The following SEMA6A variants were observed in gnomAD, a reference collection of about 807,000 sequenced individuals.
SEMA6A encodes the protein semaphorin-6A.
Under a neutral mutation model 96.8 loss-of-function variants are expected in SEMA6A, and 25 were observed. The ratio of observed to expected loss-of-function variants is 0.26; its 90% CI spans 0.19 to 0.36. SEMA6A has a LOEUF of 0.36. SEMA6A is among the 10% of genes least tolerant of loss of function. The pLI is 1.00. For missense variants in SEMA6A, 1,363 were observed against 1,323.1 expected (o/e 1.03, Z -0.47); for synonymous variants, 612 against 518.0 (o/e 1.18, Z -2.46).
intron 5 of SEMA6A, 105 bp downstream of exon 5, chr5:116,496,146 A>T: frequency 1.0e-6 from 1 of 980,190 alleles, no homozygotes; most frequent in Non-Finnish European, 1.6e-6. Flanking sequence ...TACTGAGGGA[A>T]AAAGGAAAAA....
At chr5:116,468,180 C>A (rs932728223) in intron 17 of SEMA6A, 1 of 160,750 alleles carries the variant, frequency 6.2e-6, no homozygotes, top group Non-Finnish European at 1.4e-5. Context: ...CAGAAAGTGT[C>A]CACTCTGGGA....
At chr5:116,455,542 C>T (rs1257577491) in intron 18 of SEMA6A, among the ~76,000 whole-genome samples, 3 of 152,164 alleles carry the variant, frequency 2.0e-5, no homozygotes, top group Admixed American at 1.3e-4. Flanking sequence ...TTTTCCTTTA[C>T]TCTCTCAAAA....
chr5:116,454,626 C>T (rs568659514), intron 18 of SEMA6A, among the ~76,000 whole-genome samples: 14 of 152,206 alleles, frequency 9.2e-5, no homozygotes, highest in South Asian at 4.1e-4. Context: ...GAGGTGACCA[C>T]GCTGAAAGTG....
At chr5:116,483,244 C>A (rs1321028483) in intron 10 of SEMA6A, among the ~76,000 whole-genome samples, 2 of 152,174 alleles carry the variant, frequency 1.3e-5, no homozygotes, top group East Asian at 3.8e-4. Flanking sequence ...CCTTGCCTGG[C>A]ACCCCTGGAA....
chr5:116,507,643 C>G (rs1217501353), intron 1 of SEMA6A, among the ~76,000 whole-genome samples: 1 of 152,152 alleles, frequency 6.6e-6, no homozygotes, highest in Non-Finnish European at 1.5e-5. Context: ...AAACATTTGT[C>G]GATTTCCCTG....
chr5:116,547,210 G>A (rs1445923497), intron 1 of SEMA6A, among the ~76,000 whole-genome samples: 1 of 152,164 alleles, frequency 6.6e-6, no homozygotes, highest in Non-Finnish European at 1.5e-5. Flanking sequence ...AGGTAGTACT[G>A]TGGACATGCA....
chr5:116,487,982 C>A, intron 9 of SEMA6A, 126 bp downstream of exon 9: 1 of 570,912 alleles, frequency 1.8e-6, no homozygotes. Context: ...CAGATAGGGC[C>A]TCCAGACCGC....
chr5:116,502,185 C>T (rs1400788972), intron 3 of SEMA6A, 25 bp downstream of exon 3: 3 of 1,589,590 alleles, frequency 1.9e-6, no homozygotes, highest in Admixed American at 1.7e-5. Context: ...ACTCTCAAGG[C>T]AGACATGGGG....
rs754552411 is a variant in SEMA6A, at chr5:116,473,100, G to C, written c.1709-7C>G. On this transcript the variant is annotated splice_region_variant and splice_polypyrimidine_tract_variant and intron_variant, in intron 16 of 18. Coordinates refer to ENST00000343348, the MANE Select transcript of SEMA6A (RefSeq NM_020796.5). ...TTCAGTGCCACAAAGGAATCTGAAAGACAAAAGGGAGGAGAAGGTTACTTA... is the reference window on the plus strand; with the variant it reads ...TTCAGTGCCACAAAGGAATCTGAAACACAAAAGGGAGGAGAAGGTTACTTA... 13 of 1,592,326 alleles carry C rather than the reference G, an allele frequency of 8.2e-6. No homozygotes were observed. The highest frequency in any genetic ancestry group is 3.5e-5 in the Admixed American group (2 of 57,180).
At chr5:116,505,457 G>A (rs7707972) in intron 1 of SEMA6A, among the ~76,000 whole-genome samples, 33,159 of 143,516 alleles carry the variant, frequency 0.23, 3,902 homozygotes, top group Admixed American at 0.3. Flanking sequence ...ACACACGCAC[G>A]CGCACACACA....
chr5:116,448,377 C>T (rs1580434943), intron 18 of SEMA6A, among the ~76,000 whole-genome samples: 1 of 152,032 alleles, frequency 6.6e-6, no homozygotes. Context: ...GCTGTTCACT[C>T]TTTCCAGTAC....
At chr5:116,517,806 G>T (rs1052046748) in intron 1 of SEMA6A, among the ~76,000 whole-genome samples, 2 of 152,176 alleles carry the variant, frequency 1.3e-5, no homozygotes, top group East Asian at 3.9e-4. Context: ...CTTCCCATCT[G>T]ATGGCCAACT....
At chr5:116,465,710 G>A (rs542399948) in intron 18 of SEMA6A, among the ~76,000 whole-genome samples, 28 of 152,254 alleles carry the variant, frequency 1.8e-4, no homozygotes, top group African/African-American at 5.1e-4. Flanking sequence ...GGGAGTTAAC[G>A]ATTAGAGAAA....
chr5:116,554,471 C>T (rs1760534149), intron 1 of SEMA6A, among the ~76,000 whole-genome samples: 1 of 152,090 alleles, frequency 6.6e-6, no homozygotes, highest in Admixed American at 6.5e-5. Flanking sequence ...AATATTTGCA[C>T]AAAACTACAT....
intron 7 of SEMA6A, among the ~76,000 whole-genome samples, chr5:116,489,499 A>C (rs139130669): frequency 1.3e-5 from 2 of 152,318 alleles, no homozygotes; most frequent in Non-Finnish European, 2.9e-5. Context: ...GAGGGTTCAT[A>C]AGCAAAAACG....
intron 1 of SEMA6A, among the ~76,000 whole-genome samples, chr5:116,528,319 G>A (rs971831427): frequency 2.0e-5 from 3 of 152,156 alleles, no homozygotes; most frequent in African/African-American, 7.2e-5. Flanking sequence ...TTCTGGAAGT[G>A]CCCAGTTAAA....
At position 116,473,178 on chromosome 5, in the gene SEMA6A, A is replaced by G. The variant is rs879000629; in HGVS notation, c.1709-85T>C. On this transcript the variant is annotated intron_variant, in intron 16 of 18. Transcript: ENST00000343348. ...TACATAAGTGGGAATGAGCTAACACAGAACTATGCCAGCGTATGGTCCCCG... is the reference window on the plus strand; with the variant it reads ...TACATAAGTGGGAATGAGCTAACACGGAACTATGCCAGCGTATGGTCCCCG... 4.3e-5 allele frequency: 57 copies of G among 1,340,098 alleles called. No individual in the cohort carries two copies. In the South Asian group the frequency reaches 6.5e-4, roughly 15 times the overall value. The allele number at this position is 1,340,098 out of a possible 1,614,324, so 83.0% of individuals were successfully genotyped here. A position where few individuals can be genotyped will look rare whatever the true frequency, so the allele number is the denominator to read the frequency against.
At chr5:116,474,246 C>A (rs10055784) in intron 16 of SEMA6A, among the ~76,000 whole-genome samples, 318 of 151,034 alleles carry the variant, frequency 2.1e-3, no homozygotes, top group African/African-American at 7.1e-3. Flanking sequence ...TTAACATCAG[C>A]TAACTAAGCT....
chr5:116,480,903 T>A (rs148098086), intron 11 of SEMA6A, among the ~76,000 whole-genome samples: 2 of 152,156 alleles, frequency 1.3e-5, no homozygotes, highest in East Asian at 3.9e-4. Flanking sequence ...ATGACGACCA[T>A]AAAAATTTGC....
Sources: allele counts gnomAD v4.1 joint callset (sites outside exome capture counted in the v4.1 genomes callset), GRCh38; gene constraint gnomAD v4.1.1; transcripts MANE v1.5; gene names NCBI Gene and HGNC (gene_info 2026-07-23, HGNC 2026-07-21).